ATE1: variants seen among roughly 807,000 people sequenced by gnomAD.
ATE1 encodes the protein arginyltransferase 1.
ATE1 carries 36 observed loss-of-function variants against 70.5 expected under a neutral mutation model. That is an observed-to-expected ratio of 0.51 (90% CI 0.39 to 0.67). ATE1 has a LOEUF of 0.67. Ranked by LOEUF, ATE1 falls within the 30% of genes least tolerant of loss-of-function variation. The pLI, the probability that ATE1 is intolerant of heterozygous loss-of-function variation, is 0.00. For synonymous variants in ATE1, 232 were observed against 219.3 expected, an observed-to-expected ratio of 1.06 and a Z score of -0.51; for missense variants, 593 against 629.5, an observed-to-expected ratio of 0.94 and a Z score of 0.62.
At chr10:121,824,802 A>T (rs947448222) in intron 10 of ATE1, among the ~76,000 whole-genome samples, 6 of 152,286 alleles carry the variant, frequency 3.9e-5, no homozygotes, top group Non-Finnish European at 8.8e-5. Flanking sequence ...GGGGGAAAAA[A>T]TTTAATTATG....
intron 10 of ATE1, among the ~76,000 whole-genome samples, 168 bp downstream of exon 10, chr10:121,836,550 G>A (rs1256589281): frequency 1.3e-5 from 2 of 152,142 alleles, no homozygotes; most frequent in African/African-American, 2.4e-5. Context: ...AGCAGAAGAG[G>A]CTGTGGTTCT....
At chr10:121,744,769 C>T (rs993479602) in intron 11 of ATE1, among the ~76,000 whole-genome samples, 8 of 152,174 alleles carry the variant, frequency 5.3e-5, no homozygotes, top group African/African-American at 1.9e-4. Flanking sequence ...CACAGGTCAC[C>T]CAGACAAAAG....
chr10:121,877,131 T>C (rs1369209311), intron 7 of ATE1, among the ~76,000 whole-genome samples: 1 of 152,206 alleles, frequency 6.6e-6, no homozygotes, highest in African/African-American at 2.4e-5. Flanking sequence ...CATTCTGTAC[T>C]GATTTCAGAA....
At chr10:121,927,765 T>A (rs1412763318) in intron 1 of ATE1, 79 bp downstream of exon 1, 30 of 1,455,630 alleles carry the variant, frequency 2.1e-5, no homozygotes, top group Non-Finnish European at 2.5e-5. Context: ...TCCGGCCCCC[T>A]CGCGTCCTCG....
chr10:121,855,152 G>T (rs917401499), intron 8 of ATE1, among the ~76,000 whole-genome samples: 3 of 152,142 alleles, frequency 2.0e-5, no homozygotes, highest in African/African-American at 7.2e-5. Context: ...CCTCTCCCAG[G>T]CCCCCTCTCT....
At chr10:121,748,663 T>TA (rs1944462308) in intron 11 of ATE1, among the ~76,000 whole-genome samples, 1 of 151,994 alleles carries the variant, frequency 6.6e-6, no homozygotes, top group Non-Finnish European at 1.5e-5. Flanking sequence ...TTTTTTTTTT[T>TA]AACCCAAAAC....
At chr10:121,785,877 T>C (rs1317982048) in intron 11 of ATE1, among the ~76,000 whole-genome samples, 1 of 152,180 alleles carries the variant, frequency 6.6e-6, no homozygotes, top group Non-Finnish European at 1.5e-5. Flanking sequence ...GTAAGATTTT[T>C]TGCGAACATT....
chr10:121,780,690 C>T (rs1490311016), intron 11 of ATE1, among the ~76,000 whole-genome samples: 1 of 152,208 alleles, frequency 6.6e-6, no homozygotes, highest in East Asian at 1.9e-4. Flanking sequence ...TCTTTGCCAA[C>T]CAGGCCTTCT....
At chr10:121,831,339 T>A (rs549335773) in intron 10 of ATE1, among the ~76,000 whole-genome samples, 1 of 152,234 alleles carries the variant, frequency 6.6e-6, no homozygotes, top group African/African-American at 2.4e-5. Flanking sequence ...ATATTTTGCA[T>A]ATAAACTTAT....
chr10:121,886,245 C>G (rs1397515474), intron 7 of ATE1, among the ~76,000 whole-genome samples: 2 of 151,710 alleles, frequency 1.3e-5, no homozygotes, highest in African/African-American at 4.8e-5. Flanking sequence ...TAGCAAGATC[C>G]TGCTTCTACA....
chr10:121,769,112 T>C (rs1945396509), intron 11 of ATE1, among the ~76,000 whole-genome samples: 1 of 152,180 alleles, frequency 6.6e-6, no homozygotes, highest in Non-Finnish European at 1.5e-5. Flanking sequence ...CAAAGACTAA[T>C]GGGAGAATAA....
intron 10 of ATE1, among the ~76,000 whole-genome samples, chr10:121,832,816 G>A (rs956346651): frequency 2.0e-5 from 3 of 152,156 alleles, no homozygotes; most frequent in African/African-American, 7.2e-5. Context: ...CCGCAATTCT[G>A]GGAACTTTCA....
At chr10:121,878,449 C>T (rs1590606698) in intron 7 of ATE1, among the ~76,000 whole-genome samples, 1 of 151,662 alleles carries the variant, frequency 6.6e-6, no homozygotes, top group Non-Finnish European at 1.5e-5. Flanking sequence ...AAAAATTAGC[C>T]GGCCATGGTG....
At chr10:121,896,279 C>G (rs945221507) in intron 7 of ATE1, among the ~76,000 whole-genome samples, 3 of 152,058 alleles carry the variant, frequency 2.0e-5, no homozygotes, top group African/African-American at 7.2e-5. Context: ...TCTGATCATC[C>G]CACATTTTAA....
rs1463949896 is a variant in ATE1 at position 121,910,910 on chromosome 10, C to T, written c.579G>A (p.Lys193=). 1.2e-6 allele frequency: 2 copies of T among 1,613,176 alleles called. No homozygotes were observed. The change falls in exon 5 of 12, where the codon AAG becomes AAA. Residue 193 remains lysine, a synonymous_variant. Coordinates refer to ENST00000224652, the MANE Select transcript of ATE1 (RefSeq NM_001001976.3). The stretch of plus-strand genomic sequence containing the variant: ...GGTATCAAAAATCTTTACTACCTGG[C>T]TTAGGAACTGTGTGAACTTTAACTG... ...SHSVKVHTVP[K]PGKGADLSKP...
chr10:121,744,077 C>G (rs1944248515), intron 11 of ATE1, among the ~76,000 whole-genome samples: 2 of 151,272 alleles, frequency 1.3e-5, no homozygotes, highest in South Asian at 4.2e-4. Flanking sequence ...TGTGTGCCAC[C>G]ACACCAGGCT....
chr10:121,926,421 A>T (rs1435271365), intron 1 of ATE1, among the ~76,000 whole-genome samples: 1 of 152,066 alleles, frequency 6.6e-6, no homozygotes, highest in African/African-American at 2.4e-5. Flanking sequence ...AATAAAACTC[A>T]CCTACCAAGT....
At position 121,756,010 on chromosome 10, in the gene ATE1, G is replaced by A. The variant is rs371793273; in HGVS notation, c.1379-12152C>T. Among the ~76,000 whole-genome samples the A allele has an allele frequency of 4.6e-5, 7 of 152,286 alleles. No homozygotes were observed. The South Asian group carries it at 8.3e-4, about 18-fold the overall frequency. On this transcript the variant is annotated intron_variant, in intron 11 of 11. Transcript: ENST00000224652. ...AAAGTCCAAGTCCAAAGTCTCGTCTGAGACAAGGCAAGTCCCTTCTGCCTA... is the reference window on the plus strand; with the variant it reads ...AAAGTCCAAGTCCAAAGTCTCGTCTAAGACAAGGCAAGTCCCTTCTGCCTA...
At chr10:121,786,431 G>A (rs1946215141) in intron 11 of ATE1, among the ~76,000 whole-genome samples, 1 of 152,022 alleles carries the variant, frequency 6.6e-6, no homozygotes, top group South Asian at 2.1e-4. Context: ...CACTTTCAGA[G>A]GCCAAGGTGA....
Sources: gnomAD v4.1 joint callset for allele counts (sites outside exome capture counted in the v4.1 genomes callset) on GRCh38, gnomAD v4.1.1 for gene constraint, MANE v1.5 for transcripts, NCBI Gene and HGNC (gene_info 2026-07-23, HGNC 2026-07-21) for gene names.